The following ZFP82 variants were observed in gnomAD, a reference collection of about 807,000 sequenced individuals.
ZFP82 encodes ZFP82 zinc finger protein, also known as zinc finger protein 82 homolog.
In ZFP82, 30 loss-of-function variants were observed where a neutral mutation model predicts 54.0. The ratio of observed to expected loss-of-function variants is 0.56; its 90% CI spans 0.42 to 0.75. ZFP82 has a LOEUF of 0.75. Ranked by LOEUF, ZFP82 falls within the 30% of genes least tolerant of loss-of-function variation. ZFP82 has a pLI of 0.00. For missense variants in ZFP82, 500 were observed against 636.8 expected, an observed-to-expected ratio of 0.79 and a Z score of 2.31; for synonymous variants, 194 against 209.5, an observed-to-expected ratio of 0.93 and a Z score of 0.64.
chr19:36,387,388 G>A (rs1335122365), downstream of ZFP82, among the ~76,000 whole-genome samples: 1 of 152,138 alleles, frequency 6.6e-6, no homozygotes, highest in Non-Finnish European at 1.5e-5. Flanking sequence ...GGTCCATGAG[G>A]ACTCTGCTTT....
downstream of ZFP82, among the ~76,000 whole-genome samples, chr19:36,384,811 T>C (rs1239552111): frequency 2.0e-5 from 3 of 152,220 alleles, no homozygotes; most frequent in Non-Finnish European, 4.4e-5. Flanking sequence ...ATTTTACTGT[T>C]TACAAATTAA....
In ZFP82 at chr19:36,405,639, G is replaced by A; in HGVS notation, c.170C>T (p.Ser57Leu). The change falls in exon 4 of 5, where the codon TCA becomes TTA. Residue 57 changes from serine (S) to leucine (L), a missense_variant. Ser to Leu is a moderately radical substitution (Grantham distance 145, BLOSUM62 -2). Coordinates refer to ENST00000392161, the MANE Select transcript of ZFP82 (RefSeq NM_133466.4). Reference sequence around the variant, plus strand: ...CCAAGGCTCTTTTCCTTGCTCCAATGAGGAAATCACATCTGGTTTAGAAAT... The same window carrying A: ...CCAAGGCTCTTTTCCTTGCTCCAATAAGGAAATCACATCTGGTTTAGAAAT... ...CFISKPDVIS[S>L]LEQGKEPWKV... is the part of the protein sequence containing the mutation. 6.2e-7 allele frequency: 1 copy of A among 1,610,212 alleles called. No homozygotes were observed.
intron 4 of ZFP82, among the ~76,000 whole-genome samples, chr19:36,398,057 A>C (rs918712639): frequency 6.6e-6 from 1 of 152,244 alleles, no homozygotes; most frequent in South Asian, 2.1e-4. Flanking sequence ...TTTAAGCTTT[A>C]AAGACAGGCT....
chr19:36,385,566 G>A (rs533409700), downstream of ZFP82, among the ~76,000 whole-genome samples: 1 of 152,352 alleles, frequency 6.6e-6, no homozygotes, highest in South Asian at 2.1e-4. Context: ...GTTAAAGGGT[G>A]ATTCTGGTGA....
intron 1 of ZFP82, among the ~76,000 whole-genome samples, chr19:36,415,736 G>A (rs1282968189): frequency 1.3e-5 from 2 of 152,106 alleles, no homozygotes; most frequent in Non-Finnish European, 2.9e-5. Context: ...TGTGAAGAAG[G>A]AATATCTTTT....
chr19:36,407,139 G>C (rs2032497033), intron 3 of ZFP82, among the ~76,000 whole-genome samples: 1 of 147,744 alleles, frequency 6.8e-6, no homozygotes, highest in Admixed American at 6.7e-5. Flanking sequence ...TGCAGTGGCG[G>C]GATCTCAGCT....
intron 4 of ZFP82, among the ~76,000 whole-genome samples, chr19:36,398,530 T>TC (rs1186270538): frequency 2.7e-5 from 3 of 110,438 alleles, no homozygotes; most frequent in Non-Finnish European, 5.5e-5. Context: ...AGAGCAAAAC[T>TC]CCATCTCAAA....
chr19:36,405,186 GAAA>G (rs35735133), intron 4 of ZFP82, among the ~76,000 whole-genome samples: 2 of 88,516 alleles, frequency 2.3e-5, no homozygotes, highest in Non-Finnish European at 4.5e-5. Flanking sequence ...CTGCATCTCA[GAAA>G]AAAAAAAAAA....
chr19:36,393,898 C>T lies in ZFP82; in HGVS notation c.442G>A (p.Val148Met). 6.2e-7 allele frequency: 1 copy of T among 1,614,136 alleles called. No individual in the cohort carries two copies. The highest frequency in any genetic ancestry group is 8.5e-7 in the Non-Finnish European group (1 of 1,180,020). The change falls in exon 5 of 5, where the codon GTG becomes ATG. Residue 148 changes from valine (V) to methionine (M), a missense_variant. Transcript: ENST00000392161. The part of the protein sequence containing the change: ...FSSVKMPSEK[V>M]SSYQKRTSVT... ...GATGTGCGTTTCTGGTAAGAGGACACCTTTTCAGATGGCATTTTCACACTA... is the reference window on the plus strand; with the variant it reads ...GATGTGCGTTTCTGGTAAGAGGACATCTTTTCAGATGGCATTTTCACACTA...
downstream of ZFP82, among the ~76,000 whole-genome samples, chr19:36,387,805 G>A (rs541601298): frequency 6.6e-6 from 1 of 152,254 alleles, no homozygotes; most frequent in African/African-American, 2.4e-5. Context: ...GTAGAGATGG[G>A]GTTTCGCCAT....
At chr19:36,398,963 G>GA (rs900840156) in intron 4 of ZFP82, among the ~76,000 whole-genome samples, 21 of 150,012 alleles carry the variant, frequency 1.4e-4, no homozygotes, top group African/African-American at 3.2e-4. Context: ...TAAAAAATCA[G>GA]AAAAAAAAAT....
rs80099126 is a variant in ZFP82 at position 36,389,851 on chromosome 19, C to G, written c.*2890G>C. ...GCAAGCATGCCTTTCATATACAAAC[C>G]AACCAATCCAGAGCCCATACTCCCA... On this transcript the variant is annotated 3_prime_UTR_variant, in exon 5 of 5. Transcript: ENST00000392161. Among the ~76,000 whole-genome samples the G allele has an allele frequency of 0.047, 7,105 of 152,188 alleles. 220 individuals are homozygous for G. The highest frequency in any genetic ancestry group is 0.066 in the Non-Finnish European group (4,472 of 68,006).
At chr19:36,394,257 A>C (rs1342378896) in intron 4 of ZFP82, 147 bp from the exon 5 acceptor site, 7 of 750,354 alleles carry the variant, frequency 9.3e-6, no homozygotes, top group Non-Finnish European at 1.5e-5. Context: ...AAAAAAAGCC[A>C]AAGGGAACAT....
In ZFP82 at chr19:36,393,605, C is replaced by T. The variant is rs2032243967; in HGVS notation, c.735G>A (p.Gln245=). Residue 245 remains glutamine, a synonymous_variant, in exon 5 of 5, where the codon CAG becomes CAA. Transcript: ENST00000392161. Reference sequence around the variant, plus strand: ...AGGGCTTCTCACCAATATGCATTTTCTGATGTACTCTAAGATCTGCACCAC... The same window carrying T: ...AGGGCTTCTCACCAATATGCATTTTTTGATGTACTCTAAGATCTGCACCAC... ...FICGADLRVH[Q]KMHIGEKPYE... The T allele has an allele frequency of 3.1e-6, 5 of 1,614,144 alleles. No homozygotes were observed. Among genetic ancestry groups the T allele is most frequent in the Non-Finnish European group, 4.2e-6 (5 of 1,180,018 alleles).
At chr19:36,417,314 A>T (rs577675394) in intron 1 of ZFP82, among the ~76,000 whole-genome samples, 1 of 152,286 alleles carries the variant, frequency 6.6e-6, no homozygotes, top group African/African-American at 2.4e-5. Context: ...ACACATAGTA[A>T]TTAAAAGAAG....
intron 1 of ZFP82, among the ~76,000 whole-genome samples, chr19:36,411,372 AT>A (rs1190574805): frequency 5.3e-5 from 8 of 152,132 alleles, no homozygotes; most frequent in Non-Finnish European, 8.8e-5. Flanking sequence ...CTAAAAAAAA[AT>A]AAAATAAAAA....
At position 36,405,675 on chromosome 19, in the gene ZFP82, G is replaced by T; in HGVS notation, c.137-3C>A. The T allele has an allele frequency of 6.3e-7, 1 of 1,587,732 alleles. No homozygotes were observed. ...ATCTGGTTTAGAAATGAAGCATCCT[G>T]CTTAGAAGAAAAGGAATATAAGGTA... is the stretch of plus-strand genomic sequence containing the variant. On this transcript the variant is annotated splice_region_variant and splice_polypyrimidine_tract_variant and intron_variant, in intron 3 of 4. Coordinates refer to ENST00000392161, the MANE Select transcript of ZFP82 (RefSeq NM_133466.4).
chr19:36,417,072 CAAAAAAAAAAAAAAAA>C (rs140495874), intron 1 of ZFP82, among the ~76,000 whole-genome samples: 1 of 65,646 alleles, frequency 1.5e-5, no homozygotes, highest in African/African-American at 6.0e-5. Context: ...GACCCTGTCT[CAAAAAAAAAAAAAAAA>C]AAAAAAAAAA....
downstream of ZFP82, among the ~76,000 whole-genome samples, chr19:36,384,885 A>C (rs1022289647): frequency 6.6e-6 from 1 of 152,240 alleles, no homozygotes; most frequent in Non-Finnish European, 1.5e-5. Flanking sequence ...CTAATTAATG[A>C]CATCTGCCCA....
Sources: gnomAD v4.1 joint callset for allele counts (sites outside exome capture counted in the v4.1 genomes callset) on GRCh38, gnomAD v4.1.1 for gene constraint, MANE v1.5 for transcripts, NCBI Gene and HGNC (gene_info 2026-07-23, HGNC 2026-07-21) for gene names.